EYS: variants seen among roughly 807,000 people sequenced by gnomAD.
EYS encodes protein eyes shut homolog.
In EYS, 250 loss-of-function variants were observed where a neutral mutation model predicts 282.1. That is an observed-to-expected ratio of 0.89 (90% CI 0.80 to 0.98). EYS has a LOEUF of 0.98. Ranked by LOEUF, EYS falls within the 50% of genes least tolerant of loss-of-function variation. The pLI is 0.00. For synonymous variants in EYS, 1,355 were observed against 1,282.9 expected (o/e 1.06, Z -1.20); for missense variants, 4,016 against 3,709.0 (o/e 1.08, Z -2.15).
intron 5 of EYS, among the ~76,000 whole-genome samples, chr6:65,467,895 T>C (rs1020761599): frequency 6.6e-6 from 1 of 152,100 alleles, no homozygotes; most frequent in Non-Finnish European, 1.5e-5. Context: ...ACAAAGATAA[T>C]ATATTAAGAG....
intron 12 of EYS, among the ~76,000 whole-genome samples, chr6:65,289,585 T>A (rs1367111816): frequency 6.6e-6 from 1 of 151,154 alleles, no homozygotes; most frequent in East Asian, 1.9e-4. Flanking sequence ...TTTTGAAGTA[T>A]ATGCGTAAGG....
At chr6:65,356,230 T>G (rs1220883973) in intron 8 of EYS, among the ~76,000 whole-genome samples, 1 of 152,040 alleles carries the variant, frequency 6.6e-6, no homozygotes, top group Non-Finnish European at 1.5e-5. Flanking sequence ...CAACAAAAAC[T>G]AAGTTCGAAT....
Position 64,185,790 on chromosome 6 carries a change from G to C in EYS, c.6424+44802C>G, listed in dbSNP as rs192642074. Reference sequence around the variant, plus strand: ...TATGAAAATAATTGTCATCATCTTTGTCCAAACAACTACGTGTCAGAGAGC... The same window carrying C: ...TATGAAAATAATTGTCATCATCTTTCTCCAAACAACTACGTGTCAGAGAGC... On this transcript the variant is annotated intron_variant, in intron 31 of 42. Transcript: ENST00000503581. Among the ~76,000 whole-genome samples, 3 of 152,196 alleles carry C rather than the reference G, an allele frequency of 2.0e-5. No individual in the cohort carries two copies. In the East Asian group the frequency reaches 5.8e-4, roughly 29 times the overall value.
At chr6:65,082,682 G>T (rs116834994) in intron 12 of EYS, among the ~76,000 whole-genome samples, 2,505 of 152,032 alleles carry the variant, frequency 0.016, 76 homozygotes, top group African/African-American at 0.057. Flanking sequence ...AGTTTATTTT[G>T]ATAATGAAGG....
At chr6:64,969,203 T>G (rs1770205760) in intron 14 of EYS, among the ~76,000 whole-genome samples, 1 of 152,144 alleles carries the variant, frequency 6.6e-6, no homozygotes, top group African/African-American at 2.4e-5. Flanking sequence ...TGAAGCTAAA[T>G]TGTCAGCTGA....
At chr6:64,385,730 C>A (rs543104617) in intron 29 of EYS, among the ~76,000 whole-genome samples, 1 of 152,296 alleles carries the variant, frequency 6.6e-6, no homozygotes, top group East Asian at 1.9e-4. Flanking sequence ...GAAAAATAAC[C>A]TAAAACCACT....
chr6:64,721,546 A>G (rs1192550396), intron 22 of EYS, among the ~76,000 whole-genome samples: 1 of 152,278 alleles, frequency 6.6e-6, no homozygotes, highest in African/African-American at 2.4e-5. Context: ...GCACTCTTAC[A>G]TCAGTACACA....
chr6:65,611,889 A>G lies in EYS; in HGVS notation c.-333+27889T>C, dbSNP rs1219373107. Among the ~76,000 whole-genome samples, 4 of 152,086 alleles carry G rather than the reference A, an allele frequency of 2.6e-5. No individual in the cohort carries two copies. The East Asian group carries it at 7.7e-4, about 29-fold the overall frequency. On this transcript the variant is annotated intron_variant, in intron 2 of 42. Transcript: ENST00000503581. Reference sequence around the variant, plus strand: ...AGCCAAGCTTAGGAAACATTGCTCAAAAGGTATATCAACAGAAGAATAAAG... The same window carrying G: ...AGCCAAGCTTAGGAAACATTGCTCAGAAGGTATATCAACAGAAGAATAAAG...
At chr6:65,216,901 T>C (rs531170132) in intron 12 of EYS, among the ~76,000 whole-genome samples, 1 of 152,102 alleles carries the variant, frequency 6.6e-6, no homozygotes, top group African/African-American at 2.4e-5. Flanking sequence ...CTAATTCCAT[T>C]AACATGCAAA....
intron 22 of EYS, among the ~76,000 whole-genome samples, chr6:64,637,698 T>C (rs1233336620): frequency 1.1e-5 from 1 of 89,844 alleles, no homozygotes; most frequent in Admixed American, 1.2e-4. Flanking sequence ...TCTACAGTGA[T>C]CAGAAATCTC....
At chr6:65,632,747 G>T (rs565297642) in intron 2 of EYS, among the ~76,000 whole-genome samples, 2 of 152,070 alleles carry the variant, frequency 1.3e-5, no homozygotes, top group South Asian at 2.1e-4. Flanking sequence ...ATACCACTAG[G>T]TAAGTTATAT....
In EYS at chr6:64,685,328, A is replaced by C. The variant is rs1770054172; in HGVS notation, c.3444-59083T>G. On this transcript the variant is annotated intron_variant, in intron 22 of 42. Transcript: ENST00000503581. ...TAAAAAAAATCTCAAATTCTTATTA[A>C]TGATACAGAAGTTGTGAATTAAATT... Among the ~76,000 whole-genome samples, 3 of 152,300 alleles carry C rather than the reference A, an allele frequency of 2.0e-5. No homozygotes were observed. In the East Asian group the frequency reaches 5.8e-4, roughly 29 times the overall value.
At chr6:63,879,853 AG>A (rs1262835821) in intron 35 of EYS, among the ~76,000 whole-genome samples, 1 of 152,224 alleles carries the variant, frequency 6.6e-6, no homozygotes, top group Admixed American at 6.5e-5. Flanking sequence ...CCAGGATAAC[AG>A]GGGTAAACAG....
intron 29 of EYS, among the ~76,000 whole-genome samples, chr6:64,310,797 G>C (rs765270676): frequency 5.9e-5 from 9 of 152,012 alleles, no homozygotes; most frequent in Non-Finnish European, 8.8e-5. Flanking sequence ...AAAGGGAACT[G>C]AGCATATGAG....
intron 31 of EYS, among the ~76,000 whole-genome samples, chr6:64,209,713 ATTTG>A (rs1444701635): frequency 1.9e-4 from 29 of 152,252 alleles, no homozygotes; most frequent in African/African-American, 6.5e-4. Flanking sequence ...TTGTTCTTAA[ATTTG>A]AAAATCTTTA....
chr6:65,040,521 T>G (rs1197553653), intron 13 of EYS, among the ~76,000 whole-genome samples: 2 of 151,758 alleles, frequency 1.3e-5, no homozygotes, highest in African/African-American at 4.8e-5. Flanking sequence ...TTGAGATGAC[T>G]TTATTTACAA....
At chr6:64,409,959 T>C (rs113944252) in intron 28 of EYS, among the ~76,000 whole-genome samples, 3,331 of 152,224 alleles carry the variant, frequency 0.022, 139 homozygotes, top group African/African-American at 0.075. Flanking sequence ...TTATATAGCC[T>C]GGGTTTAAAA....
At chr6:64,709,148 T>C (rs890160219) in intron 22 of EYS, among the ~76,000 whole-genome samples, 1 of 152,206 alleles carries the variant, frequency 6.6e-6, no homozygotes, top group Non-Finnish European at 1.5e-5. Context: ...ACAGTAATTA[T>C]CTTTGAGTGT....
chr6:64,138,529 G>A (rs1774236726), intron 31 of EYS, among the ~76,000 whole-genome samples: 1 of 152,156 alleles, frequency 6.6e-6, no homozygotes, highest in African/African-American at 2.4e-5. Context: ...ATATATGTGG[G>A]GTGAGGAGAG....
Sources: gnomAD v4.1 joint callset for allele counts (sites outside exome capture counted in the v4.1 genomes callset) on GRCh38, gnomAD v4.1.1 for gene constraint, MANE v1.5 for transcripts, NCBI Gene and HGNC (gene_info 2026-07-23, HGNC 2026-07-21) for gene names.